ANLN: variants seen among roughly 807,000 people sequenced by gnomAD.
ANLN encodes the protein anillin.
A neutral mutation model predicts 135.1 loss-of-function variants in ANLN; 59 were observed. The ratio of observed to expected loss-of-function variants is 0.44; its 90% CI spans 0.35 to 0.54. The LOEUF is 0.54. Ranked by LOEUF, ANLN falls within the 20% of genes least tolerant of loss-of-function variation. ANLN has a pLI of 0.00. For missense variants in ANLN, 1,182 were observed against 1,340.0 expected (o/e 0.88, Z 1.84); for synonymous variants, 406 against 456.4 (o/e 0.89, Z 1.41).
intron 1 of ANLN, among the ~76,000 whole-genome samples, chr7:36,395,077 A>G (rs1299290530): frequency 1.3e-5 from 2 of 152,184 alleles, no homozygotes; most frequent in African/African-American, 4.8e-5. Context: ...TATGTTATTT[A>G]TCTCTTGCTG....
At chr7:36,403,468 A>G (rs1562788802) in intron 3 of ANLN, 1 of 152,214 alleles carries the variant, frequency 6.6e-6, no homozygotes, top group African/African-American at 2.4e-5. Flanking sequence ...AGGGAGTGAT[A>G]TATTTTAGAG....
At chr7:36,414,757 T>G (rs1302797473) in intron 7 of ANLN, among the ~76,000 whole-genome samples, 3 of 152,238 alleles carry the variant, frequency 2.0e-5, no homozygotes, top group Non-Finnish European at 4.4e-5. Context: ...ATTACATTGT[T>G]TTTACACAAC....
chr7:36,446,704 A>C (rs150161413), intron 22 of ANLN, among the ~76,000 whole-genome samples: 1 of 152,240 alleles, frequency 6.6e-6, no homozygotes, highest in Non-Finnish European at 1.5e-5. Flanking sequence ...GTCACCTCCC[A>C]GTAGGCCCCA....
chr7:36,420,945 T>C lies in ANLN; in HGVS notation c.2163+201T>C, dbSNP rs75949125. Among the ~76,000 whole-genome samples the C allele has an allele frequency of 0.013, 1,911 of 152,344 alleles. 12 individuals are homozygous for C. The highest frequency in any genetic ancestry group is 0.02 in the Non-Finnish European group (1,373 of 68,024). On this transcript the variant is annotated intron_variant, in intron 12 of 23. Coordinates refer to ENST00000265748, the MANE Select transcript of ANLN (RefSeq NM_018685.5). The stretch of plus-strand genomic sequence containing the variant: ...CTTTTTGAAAACTTGGAAACTCATT[T>C]GATATTGCTGAAATATTTATTTTTA...
intron 17 of ANLN, among the ~76,000 whole-genome samples, chr7:36,424,979 T>C (rs1788021847): frequency 6.6e-6 from 1 of 152,158 alleles, no homozygotes; most frequent in African/African-American, 2.4e-5. Context: ...TTTCTCTACA[T>C]TTACTTGGCA....
chr7:36,400,426 CT>C (rs1018411241), intron 3 of ANLN, among the ~76,000 whole-genome samples: 2 of 152,108 alleles, frequency 1.3e-5, no homozygotes, highest in African/African-American at 4.8e-5. Flanking sequence ...GCAGCACAGT[CT>C]TGGCTCATTG....
intron 22 of ANLN, among the ~76,000 whole-genome samples, chr7:36,447,373 TA>T (rs1474781332): frequency 6.6e-6 from 1 of 151,450 alleles, no homozygotes; most frequent in East Asian, 1.9e-4. Flanking sequence ...TTAAGTCAGA[TA>T]GGGGCTACTT....
chr7:36,430,916 T>G (rs1349483504), intron 20 of ANLN, among the ~76,000 whole-genome samples: 1 of 152,146 alleles, frequency 6.6e-6, no homozygotes, highest in Non-Finnish European at 1.5e-5. Context: ...TTCACACAAG[T>G]CTCCCTCCAC....
chr7:36,393,841 T>G (rs1419676334), intron 1 of ANLN, among the ~76,000 whole-genome samples: 1 of 152,254 alleles, frequency 6.6e-6, no homozygotes, highest in African/African-American at 2.4e-5. Context: ...ATTGCTTATC[T>G]CAAGGTCAGT....
chr7:36,417,464 A>G (rs1197603664), intron 9 of ANLN, among the ~76,000 whole-genome samples: 1 of 151,362 alleles, frequency 6.6e-6, no homozygotes, highest in African/African-American at 2.4e-5. Flanking sequence ...TCAGGGAAAA[A>G]CTCTCTGGGA....
At position 36,415,993 on chromosome 7, in the gene ANLN, T is replaced by G. The variant is rs544841104; in HGVS notation, c.1522+109T>G. On this transcript the variant is annotated intron_variant, in intron 8 of 23. Transcript: ENST00000265748. Reference sequence around the variant, plus strand: ...TGGATTTGTTTGTTCTAACGTTTTTTGGGGGGAATCTTTAGGGTTTTCTTT... The same window carrying G: ...TGGATTTGTTTGTTCTAACGTTTTTGGGGGGGAATCTTTAGGGTTTTCTTT... 1.5e-5 allele frequency: 15 copies of G among 968,202 alleles called. No individual in the cohort carries two copies. In the Admixed American group the frequency reaches 2.2e-4, roughly 14 times the overall value. The allele number at this position is 968,202 out of a possible 1,614,324, so 60.0% of individuals were successfully genotyped here. A position where few individuals can be genotyped will look rare whatever the true frequency, so the allele number is the denominator to read the frequency against.
Position 36,452,806 on chromosome 7 carries a change from A to C in ANLN, c.*206A>C. Reference sequence around the variant, plus strand: ...TTCATCAATGAGTAGAAGTAAATACATTATAGTTGATTTTGCTAAATCTTA... The same window carrying C: ...TTCATCAATGAGTAGAAGTAAATACCTTATAGTTGATTTTGCTAAATCTTA... On this transcript the variant is annotated 3_prime_UTR_variant, in exon 24 of 24. Coordinates refer to ENST00000265748, the MANE Select transcript of ANLN (RefSeq NM_018685.5). 2.5e-6 allele frequency: 1 copy of C among 397,050 alleles called. No individual in the cohort carries two copies. The highest frequency in any genetic ancestry group is 4.3e-5 in the Admixed American group (1 of 23,060). 24.6% of individuals were successfully genotyped at this position (397,050 alleles called of 1,614,324 possible).
intron 21 of ANLN, among the ~76,000 whole-genome samples, chr7:36,442,509 C>G (rs1228033452): frequency 6.6e-6 from 1 of 152,212 alleles, no homozygotes; most frequent in Non-Finnish European, 1.5e-5. Flanking sequence ...AAAATATTTA[C>G]TCTCTGGCCC....
intron 3 of ANLN, chr7:36,403,349 A>C (rs191074252): frequency 6.6e-6 from 1 of 152,292 alleles, no homozygotes; most frequent in East Asian, 1.9e-4. Flanking sequence ...TCAACTTCAC[A>C]TATGTTATTT....
intron 1 of ANLN, among the ~76,000 whole-genome samples, chr7:36,392,160 A>T (rs1470345664): frequency 6.6e-6 from 1 of 152,212 alleles, no homozygotes; most frequent in South Asian, 2.1e-4. Context: ...TACTTCACAG[A>T]AGCATATTTT....
chr7:36,415,744 T>C lies in ANLN; in HGVS notation c.1396-14T>C. The C allele has an allele frequency of 1.9e-6, 3 of 1,568,132 alleles. No individual in the cohort carries two copies. Among genetic ancestry groups the C allele is most frequent in the Non-Finnish European group, 2.6e-6 (3 of 1,165,232 alleles). On this transcript the variant is annotated splice_polypyrimidine_tract_variant and intron_variant, in intron 7 of 23. Transcript: ENST00000265748. ...TTTGAGAAATAAAATTTACTTTTCA[T>C]TCGCTTTTTGCAGGAAACTCACTGT...
intron 5 of ANLN, among the ~76,000 whole-genome samples, chr7:36,409,555 T>A (rs1787324836): frequency 1.3e-5 from 2 of 152,226 alleles, no homozygotes; most frequent in Admixed American, 1.3e-4. Flanking sequence ...CCTATTTTTT[T>A]ATAATACAAC....
rs1786349792 is a variant in ANLN, at chr7:36,389,955, G to A, written c.-72G>A. 6.2e-7 allele frequency: 1 copy of A among 1,613,894 alleles called. No homozygotes were observed. The highest frequency in any genetic ancestry group is 8.5e-7 in the Non-Finnish European group (1 of 1,179,886). On this transcript the variant is annotated 5_prime_UTR_variant, in exon 1 of 24. Coordinates refer to ENST00000265748, the MANE Select transcript of ANLN (RefSeq NM_018685.5). ...TGGTTTTTTCCAGGAGACACACTGAGCTGAGACTCACTTTTCTCTTCCTGA... is the reference window on the plus strand; with the variant it reads ...TGGTTTTTTCCAGGAGACACACTGAACTGAGACTCACTTTTCTCTTCCTGA...
chr7:36,417,330 G>C, intron 9 of ANLN, 140 bp downstream of exon 9: 2 of 574,696 alleles, frequency 3.5e-6, no homozygotes, highest in Admixed American at 3.5e-5. Flanking sequence ...ACCAAGATGT[G>C]GTACTGTTAA....
Sources: allele counts gnomAD v4.1 joint callset (sites outside exome capture counted in the v4.1 genomes callset), GRCh38; gene constraint gnomAD v4.1.1; transcripts MANE v1.5; gene names NCBI Gene and HGNC (gene_info 2026-07-23, HGNC 2026-07-21).